Variants in MYH11 observed in about 807,000 individuals in gnomAD.
MYH11 encodes the protein myosin-11.
MYH11 carries 80 observed loss-of-function variants against 246.6 expected under a neutral mutation model. The ratio of observed to expected loss-of-function variants is 0.32; its 90% CI spans 0.27 to 0.39. The LOEUF (loss-of-function observed/expected upper bound fraction) is 0.39, where lower values mean the gene tolerates loss of function less well. Ranked by LOEUF, MYH11 falls within the 10% of genes least tolerant of loss-of-function variation. MYH11 has a pLI of 1.00. For missense variants in MYH11, 2,158 were observed against 2,546.8 expected, an observed-to-expected ratio of 0.85 and a Z score of 3.29; for synonymous variants, 1,071 against 1,015.5, an observed-to-expected ratio of 1.05 and a Z score of -1.04.
intron 40 of MYH11, among the ~76,000 whole-genome samples, chr16:15,710,666 C>T (rs1307693560): frequency 2.0e-5 from 3 of 151,784 alleles, no homozygotes; most frequent in Non-Finnish European, 2.9e-5. Context: ...CAGCAGAGCA[C>T]ATCTGAGGGT....
At chr16:15,790,502 G>A (rs377096446) in intron 4 of MYH11, among the ~76,000 whole-genome samples, 1 of 152,126 alleles carries the variant, frequency 6.6e-6, no homozygotes. Context: ...ATTGCCCTGG[G>A]AGGTTCTGCC....
At chr16:15,827,566 A>G (rs1487164686) in intron 2 of MYH11, among the ~76,000 whole-genome samples, 3 of 152,260 alleles carry the variant, frequency 2.0e-5, no homozygotes, top group Non-Finnish European at 2.9e-5. Flanking sequence ...CCTCTTCCCC[A>G]TTCCATCACC....
intron 40 of MYH11, among the ~76,000 whole-genome samples, chr16:15,709,068 G>A (rs1003775995): frequency 3.3e-5 from 5 of 151,856 alleles, no homozygotes; most frequent in African/African-American, 4.8e-5. Context: ...TCAGCCTCCC[G>A]AGTAGCTGGG....
chr16:15,751,580 C>T (rs2041573158), intron 15 of MYH11, among the ~76,000 whole-genome samples: 1 of 150,936 alleles, frequency 6.6e-6, no homozygotes, highest in Non-Finnish European at 1.5e-5. Context: ...ACCATTTCTT[C>T]ACCTTCTACT....
At chr16:15,721,104 AT>A in intron 32 of MYH11, 53 bp from the exon 33 acceptor site, 1 of 1,592,424 alleles carries the variant, frequency 6.3e-7, no homozygotes. Flanking sequence ...CATGAAGACG[AT>A]TGAGAAACCC....
chr16:15,729,652 G>C (rs1412016045), intron 27 of MYH11, among the ~76,000 whole-genome samples: 2 of 151,864 alleles, frequency 1.3e-5, no homozygotes, highest in Non-Finnish European at 2.9e-5. Flanking sequence ...CTGGGTTCAA[G>C]TGATTTTCAT....
chr16:15,720,665 G>A (rs139869413), intron 33 of MYH11, among the ~76,000 whole-genome samples, 174 bp downstream of exon 33: 8 of 152,090 alleles, frequency 5.3e-5, no homozygotes, highest in Non-Finnish European at 1.0e-4. Flanking sequence ...GGCAGGAGGT[G>A]GAGGTTGCAG....
chr16:15,726,854 C>T lies in MYH11; in HGVS notation c.3852G>A (p.Lys1284=), dbSNP rs71376099. Residue 1284 remains lysine, a synonymous_variant, in exon 28 of 41, where the codon AAG becomes AAA. Coordinates refer to ENST00000300036, the MANE Select transcript of MYH11 (RefSeq NM_002474.3). The stretch of plus-strand genomic sequence containing the variant: ...CACCGCGCCACCTCCTCACCTGCAG[C>T]TTGTGGACTTTGTCATTGAGCTCCG... The part of the protein sequence containing the change: ...ARAELNDKVH[K]LQNEVESVTG... The T allele has an allele frequency of 1.9e-6, 3 of 1,612,066 alleles. No homozygotes were observed. The highest frequency in any genetic ancestry group is 1.7e-6 in the Non-Finnish European group (2 of 1,180,012).
At chr16:15,818,780 C>T (rs1297858902) in intron 3 of MYH11, among the ~76,000 whole-genome samples, 1 of 152,096 alleles carries the variant, frequency 6.6e-6, no homozygotes. Flanking sequence ...CCAGAAAGCA[C>T]CAGGTCATGC....
At chr16:15,823,168 A>C in intron 3 of MYH11, 87 bp downstream of exon 3, 1 of 1,581,876 alleles carries the variant, frequency 6.3e-7, no homozygotes, top group Non-Finnish European at 8.6e-7. Context: ...GTGCCTGCCA[A>C]ACTCCACATT....
intron 10 of MYH11, 50 bp downstream of exon 10, chr16:15,763,746 C>A (rs371046501): frequency 3.2e-6 from 2 of 628,372 alleles, no homozygotes; most frequent in Non-Finnish European, 6.1e-6. Flanking sequence ...TCACCTCCCC[C>A]ACCCCCCCAA....
In MYH11 at chr16:15,708,730, C is replaced by T. The variant is rs1170037486; in HGVS notation, c.5787-4607G>A. ...GCAAGGGTTTAAAAATTGGGGTGGGCAGAGGGGCGCATTGGGCAGAAAAGA... is the reference window on the plus strand; with the variant it reads ...GCAAGGGTTTAAAAATTGGGGTGGGTAGAGGGGCGCATTGGGCAGAAAAGA... On this transcript the variant is annotated intron_variant, in intron 40 of 40. Coordinates refer to ENST00000300036, the MANE Select transcript of MYH11 (RefSeq NM_002474.3). The T allele has an allele frequency of 2.0e-6, 3 of 1,479,310 alleles. No homozygotes were observed. The East Asian group carries it at 7.1e-5, about 35-fold the overall frequency. 91.6% of individuals were successfully genotyped at this position (1,479,310 alleles called of 1,614,324 possible). A position where few individuals can be genotyped will look rare whatever the true frequency, so the allele number is the denominator to read the frequency against.
At chr16:15,720,815 G>A in intron 33 of MYH11, 24 bp downstream of exon 33, 1 of 1,611,700 alleles carries the variant, frequency 6.2e-7, no homozygotes, top group Non-Finnish European at 8.5e-7. Flanking sequence ...ACCTCCCTCT[G>A]CTGGCCTCCC....
chr16:15,714,587 G>C, intron 40 of MYH11: 1 of 496,356 alleles, frequency 2.0e-6, no homozygotes, highest in Admixed American at 3.3e-5. Context: ...ATGTCGTGAA[G>C]ACTCAGTGAT....
chr16:15,740,304 C>A lies in MYH11; in HGVS notation c.2860-116G>T, dbSNP rs998794612. 2.0e-6 allele frequency: 3 copies of A among 1,505,376 alleles called. No individual in the cohort carries two copies. The African/African-American group carries it at 4.2e-5, about 21-fold the overall frequency. 93.3% of individuals were successfully genotyped at this position (1,505,376 alleles called of 1,614,324 possible). A position where few individuals can be genotyped will look rare whatever the true frequency, so the allele number is the denominator to read the frequency against. On this transcript the variant is annotated intron_variant, in intron 22 of 40. Transcript: ENST00000300036. ...CTGAAGATGCCCAGAACTCTGTAGC[C>A]TCCTAAAAGGAAGAAATAAAGGCCT...
At position 15,717,282 on chromosome 16, in the gene MYH11, G is replaced by C; in HGVS notation, c.5362C>G (p.Gln1788Glu). ...STAQKNESAR[Q>E]QLERQNKELR... ...TCCTTGTTCTGCCGCTCGAGCTGCT[G>C]CCGGGCACTCTCATTCTTCTGGGCC... Residue 1788 changes from glutamine to glutamate, a missense_variant, in exon 38 of 41, where the codon CAG (glutamine) becomes GAG (glutamate). By Grantham distance (29) the Gln-to-Glu change is conservative. Around this residue, in one of 11 missense-constraint regions of MYH11, gnomAD observed 1,013 missense variants for 993.5 expected, o/e 1.02. Coordinates refer to ENST00000300036, the MANE Select transcript of MYH11 (RefSeq NM_002474.3). The C allele has an allele frequency of 6.2e-7, 1 of 1,613,640 alleles. No homozygotes were observed. Among genetic ancestry groups the C allele is most frequent in the Non-Finnish European group, 8.5e-7 (1 of 1,180,038 alleles).
Position 15,707,918 on chromosome 16 carries a change from G to A in MYH11, c.5787-3795C>T, listed in dbSNP as rs1400428010. 2.1e-5 allele frequency among the ~76,000 whole-genome samples: 3 copies of A among 145,538 alleles called. No individual in the cohort carries two copies. The South Asian group carries it at 6.4e-4, about 31-fold the overall frequency. ...ACCCAGGAGGCAAAGGTTGCGGTGA[G>A]CCAAGATTGCGCCATTGCACTCCAG... On this transcript the variant is annotated intron_variant, in intron 40 of 40. Coordinates refer to ENST00000300036, the MANE Select transcript of MYH11 (RefSeq NM_002474.3).
intron 2 of MYH11, among the ~76,000 whole-genome samples, chr16:15,827,843 T>C (rs1356014896): frequency 6.6e-6 from 1 of 152,216 alleles, no homozygotes; most frequent in Non-Finnish European, 1.5e-5. Flanking sequence ...GGCTATTTCC[T>C]GTTCAATCAG....
Position 15,776,906 on chromosome 16 carries a change from G to T in MYH11, c.791-730C>A, listed in dbSNP as rs547888981. 5.3e-5 allele frequency among the ~76,000 whole-genome samples: 8 copies of T among 152,266 alleles called. No individual in the cohort carries two copies. In the East Asian group the frequency reaches 9.7e-4, roughly 18 times the overall value. On this transcript the variant is annotated intron_variant, in intron 7 of 40. Transcript: ENST00000300036. ...GGTGATGGGAGAGGGCAGCTGGGAG[G>T]CTGGGCTACTGTACTGGGTGGATTT... is the stretch of plus-strand genomic sequence containing the variant.
Sources: allele counts gnomAD v4.1 joint callset (sites outside exome capture counted in the v4.1 genomes callset), GRCh38; gene constraint gnomAD v4.1.1; regional missense constraint gnomAD v4.1.1; transcripts MANE v1.5; gene names NCBI Gene and HGNC (gene_info 2026-07-23, HGNC 2026-07-21).